The following DCDC1 variants were observed in gnomAD, a reference collection of about 807,000 sequenced individuals.
DCDC1 encodes the protein doublecortin domain-containing protein 1.
In DCDC1, 200 loss-of-function variants were observed where a neutral mutation model predicts 178.3. The ratio of observed to expected loss-of-function variants is 1.12; its 90% confidence interval spans 1.00 to 1.26. The LOEUF (loss-of-function observed/expected upper bound fraction) is 1.26. Among genes scored for constraint, DCDC1 ranks in the 50% most tolerant of loss-of-function variants. The pLI is 0.00. For missense variants in DCDC1, 1,983 were observed against 1,749.2 expected (o/e 1.13, Z -2.38); for synonymous variants, 690 against 604.8 (o/e 1.14, Z -2.07).
chr11:31,129,422 A>G (rs753655017), intron 10 of DCDC1, among the ~76,000 whole-genome samples: 118 of 152,172 alleles, frequency 7.8e-4, no homozygotes, highest in Non-Finnish European at 1.4e-3. Context: ...TGTTTTAAAA[A>G]GGGTCACATA....
At chr11:31,174,436 C>T (rs1053577626) in intron 9 of DCDC1, among the ~76,000 whole-genome samples, 19 of 152,174 alleles carry the variant, frequency 1.2e-4, no homozygotes, top group African/African-American at 3.4e-4. Context: ...AAGGGGGGTG[C>T]TGAGGGCAGC....
chr11:30,872,833 A>C (rs1247578024), intron 38 of DCDC1, among the ~76,000 whole-genome samples: 1 of 151,992 alleles, frequency 6.6e-6, no homozygotes, highest in Non-Finnish European at 1.5e-5. Context: ...ACAATGTGTA[A>C]CTATTTATTG....
At position 30,929,145 on chromosome 11, in the gene DCDC1, A is replaced by T. The variant is rs148118962; in HGVS notation, c.2897+2626T>A. ...CCATTCATTCGTTCAGTAGTCACTA[A>T]TTTAAGGCCTATGTAGGCCCTTAAT... On this transcript the variant is annotated intron_variant, in intron 22 of 38. Coordinates refer to ENST00000684477, the MANE Select transcript of DCDC1 (RefSeq NM_001387274.1). Among the ~76,000 whole-genome samples, 993 of 152,204 alleles carry T rather than the reference A, an allele frequency of 6.5e-3. 6 individuals carry two copies. Among genetic ancestry groups the T allele is most frequent in the African/African-American group, 0.023 (949 of 41,552 alleles).
rs376362865 is a variant in DCDC1 at position 30,933,110 on chromosome 11, T to C, written c.2716-1158A>G. 4.8e-5 allele frequency among the ~76,000 whole-genome samples: 5 copies of C among 105,202 alleles called. No homozygotes were observed. In the East Asian group the frequency reaches 1.1e-3, roughly 24 times the overall value. 69.0% of individuals were successfully genotyped at this position (105,202 alleles called of 152,430 possible). A position where few individuals can be genotyped will look rare whatever the true frequency, so the allele number is the denominator to read the frequency against. On this transcript the variant is annotated intron_variant, in intron 21 of 38. Coordinates refer to ENST00000684477, the MANE Select transcript of DCDC1 (RefSeq NM_001387274.1). ...AAGTGTAGATCTGCTTTTGTTTCTC[T>C]TCAGTTTGTCAGTTTGTCTTTCCCT...
At chr11:30,947,847 A>G (rs1222920148) in intron 21 of DCDC1, among the ~76,000 whole-genome samples, 1 of 152,102 alleles carries the variant, frequency 6.6e-6, no homozygotes, top group Non-Finnish European at 1.5e-5. Flanking sequence ...TAGAATGCAT[A>G]AGCTAAAACA....
intron 7 of DCDC1, among the ~76,000 whole-genome samples, chr11:31,272,791 T>C (rs1421400514): frequency 1.3e-5 from 2 of 152,226 alleles, no homozygotes; most frequent in Non-Finnish European, 2.9e-5. Context: ...TGGGCTGGTG[T>C]TGAATGTCTG....
intron 8 of DCDC1, among the ~76,000 whole-genome samples, chr11:31,256,787 C>A (rs1025241482): frequency 5.3e-5 from 8 of 152,128 alleles, no homozygotes; most frequent in Admixed American, 2.0e-4. Context: ...TAAGCAAAGA[C>A]TACACAGAAT....
intron 8 of DCDC1, among the ~76,000 whole-genome samples, chr11:31,260,950 T>C (rs1252216314): frequency 1.3e-5 from 2 of 152,202 alleles, no homozygotes; most frequent in African/African-American, 2.4e-5. Flanking sequence ...TTAATAAATA[T>C]ATGCTTTGTC....
At chr11:30,926,663 AC>A (rs1448643813) in intron 22 of DCDC1, among the ~76,000 whole-genome samples, 1 of 152,270 alleles carries the variant, frequency 6.6e-6, no homozygotes, top group Non-Finnish European at 1.5e-5. Context: ...ACATTCTAAT[AC>A]AAAATTACAT....
At chr11:31,090,647 T>C (rs1392778979) in intron 17 of DCDC1, among the ~76,000 whole-genome samples, 2 of 152,182 alleles carry the variant, frequency 1.3e-5, no homozygotes, top group Non-Finnish European at 2.9e-5. Context: ...TATCCTTATA[T>C]CTGCTTTGCA....
At chr11:30,919,346 G>T (rs1193924949) in intron 25 of DCDC1, among the ~76,000 whole-genome samples, 1 of 152,118 alleles carries the variant, frequency 6.6e-6, no homozygotes, top group African/African-American at 2.4e-5. Context: ...TCAAGAAGAG[G>T]CTTGAGCAAA....
chr11:31,142,899 G>A (rs1010752632), intron 9 of DCDC1, among the ~76,000 whole-genome samples: 4 of 151,974 alleles, frequency 2.6e-5, no homozygotes, highest in African/African-American at 7.3e-5. Context: ...GATTAAAATT[G>A]TAGCTGTGGG....
At chr11:31,097,223 G>A (rs1294058165) in intron 15 of DCDC1, among the ~76,000 whole-genome samples, 1 of 152,284 alleles carries the variant, frequency 6.6e-6, no homozygotes, top group African/African-American at 2.4e-5. Flanking sequence ...TTCCCAAATA[G>A]CTAATGAAGG....
intron 20 of DCDC1, among the ~76,000 whole-genome samples, chr11:31,043,288 C>G (rs1204929708): frequency 1.3e-5 from 2 of 152,132 alleles, no homozygotes; most frequent in East Asian, 3.9e-4. Flanking sequence ...ACCAGTAATT[C>G]ATGAGACTTT....
Position 30,900,515 on chromosome 11 carries a change from C to T in DCDC1, c.4511-17G>A. The T allele has an allele frequency of 6.6e-7, 1 of 1,509,806 alleles. No homozygotes were observed. The highest frequency in any genetic ancestry group is 2.1e-5 in the Admixed American group (1 of 48,258). The allele number at this position is 1,509,806 out of a possible 1,614,324, so 93.5% of individuals were successfully genotyped here. A position where few individuals can be genotyped will look rare whatever the true frequency, so the allele number is the denominator to read the frequency against. On this transcript the variant is annotated splice_polypyrimidine_tract_variant and intron_variant, in intron 32 of 38. Transcript: ENST00000684477. The stretch of plus-strand genomic sequence containing the variant: ...TTGGATTTTCTGGTGGAAAAAATGA[C>T]ACATTTATCATTGTTCAACGAATAA...
At chr11:31,166,072 T>C (rs891009350) in intron 9 of DCDC1, among the ~76,000 whole-genome samples, 7 of 152,328 alleles carry the variant, frequency 4.6e-5, no homozygotes, top group East Asian at 1.9e-4. Flanking sequence ...ATCTACTGTA[T>C]TGTGTTTAGC....
At chr11:31,268,955 T>C (rs1208316094) in intron 7 of DCDC1, among the ~76,000 whole-genome samples, 1 of 152,216 alleles carries the variant, frequency 6.6e-6, no homozygotes, top group Non-Finnish European at 1.5e-5. Flanking sequence ...CCCCTTTTCA[T>C]TGAGCTAAAA....
chr11:31,252,930 C>T (rs900123241), intron 8 of DCDC1, among the ~76,000 whole-genome samples: 1 of 151,800 alleles, frequency 6.6e-6, no homozygotes, highest in Non-Finnish European at 1.5e-5. Context: ...TGGTGATCAC[C>T]AAAGGCCCTT....
chr11:31,159,525 T>C (rs930296117), intron 9 of DCDC1, among the ~76,000 whole-genome samples: 1 of 152,188 alleles, frequency 6.6e-6, no homozygotes, highest in Non-Finnish European at 1.5e-5. Flanking sequence ...ATGCATGGTC[T>C]GTATTTGGAA....
Sources: allele counts gnomAD v4.1 joint callset (sites outside exome capture counted in the v4.1 genomes callset), GRCh38; gene constraint gnomAD v4.1.1; transcripts MANE v1.5; gene names NCBI Gene and HGNC (gene_info 2026-07-23, HGNC 2026-07-21).